DIP2C: variants seen among roughly 807,000 people sequenced by gnomAD.
DIP2C encodes the protein disco-interacting protein 2 homolog C.
In DIP2C, 33 loss-of-function variants were observed where a neutral mutation model predicts 192.4. That is an observed-to-expected ratio of 0.17 (90% CI 0.13 to 0.23). The LOEUF (loss-of-function observed/expected upper bound fraction) is 0.23, where lower values mean the gene tolerates loss of function less well. Among genes scored for constraint, DIP2C ranks in the 10% least tolerant of loss-of-function variants. The pLI, the probability that DIP2C is intolerant of heterozygous loss-of-function variation, is 1.00. For synonymous variants in DIP2C, 979 were observed against 864.1 expected, an observed-to-expected ratio of 1.13 and a Z score of -2.33; for missense variants, 1,537 against 2,110.1, an observed-to-expected ratio of 0.73 and a Z score of 5.32.
rs553307256 is a variant in DIP2C, at chr10:299,328, C to G, written c.3986+10703G>C. On this transcript the variant is annotated intron_variant, in intron 32 of 36. Coordinates refer to ENST00000280886, the MANE Select transcript of DIP2C (RefSeq NM_014974.3). ...ATTCTTCCCATTACTCCAGTAATGT[C>G]CCTACAGCTCCGCCTTGAGTGCAGG... 1.1e-3 allele frequency among the ~76,000 whole-genome samples: 162 copies of G among 152,340 alleles called. 1 individual carries two copies. Among genetic ancestry groups the G allele is most frequent in the Non-Finnish European group, 1.5e-3 (105 of 68,042 alleles).
rs1291659615 is a variant in DIP2C, at chr10:651,618, C to T, written c.85+37876G>A. The T allele has an allele frequency of 2.8e-6, 1 of 359,310 alleles. No homozygotes were observed. Among genetic ancestry groups the T allele is most frequent in the East Asian group, 7.3e-5 (1 of 13,748 alleles). 22.3% of individuals were successfully genotyped at this position (359,310 alleles called of 1,614,324 possible). On this transcript the variant is annotated intron_variant, in intron 1 of 36. Coordinates refer to ENST00000280886, the MANE Select transcript of DIP2C (RefSeq NM_014974.3). This position sits in a 1 kb window ranked among gnomAD's most constrained non-coding sequence, Gnocchi z 4.1. ...GTGCATCTTTTATAAAACAAGAACG[C>T]AAGGCTCTGAGGCCAACTTTGAACA...
intron 2 of DIP2C, among the ~76,000 whole-genome samples, chr10:481,714 C>T (rs768766496): frequency 2.6e-4 from 40 of 152,230 alleles, no homozygotes; most frequent in Non-Finnish European, 5.3e-4. Flanking sequence ...TTCAGGGCTT[C>T]ACGTGGATCT....
chr10:477,718 G>A (rs1461000916), intron 2 of DIP2C, among the ~76,000 whole-genome samples: 4 of 138,426 alleles, frequency 2.9e-5, no homozygotes, highest in Admixed American at 7.4e-5. Context: ...AAAGGAGAGA[G>A]AAGAAAGAGA....
chr10:343,080 G>GA lies in DIP2C; in HGVS notation c.3453+1728dup, dbSNP rs375321045. ...CGAGGCGGGCAGATCACAAGGTCAGGAGATCGAGAACATCCTGGCTAACAC... is the reference window on the plus strand; with the variant it reads ...CGAGGCGGGCAGATCACAAGGTCAGGAAGATCGAGAACATCCTGGCTAACAC... On this transcript the variant is annotated intron_variant, in intron 28 of 36. Coordinates refer to ENST00000280886, the MANE Select transcript of DIP2C (RefSeq NM_014974.3). Among the ~76,000 whole-genome samples the GA allele has an allele frequency of 2.4e-3, 371 of 152,312 alleles. 2 individuals are homozygous for GA. Among genetic ancestry groups the GA allele is most frequent in the African/African-American group, 7.5e-3 (312 of 41,566 alleles).
chr10:461,235 C>T (rs985507232), intron 3 of DIP2C, among the ~76,000 whole-genome samples: 4 of 152,062 alleles, frequency 2.6e-5, no homozygotes, highest in South Asian at 2.1e-4. Context: ...TAAATGCCCC[C>T]ATTAAAAGAC....
At chr10:515,300 T>C (rs929363979) in intron 1 of DIP2C, among the ~76,000 whole-genome samples, 6 of 152,224 alleles carry the variant, frequency 3.9e-5, no homozygotes, top group African/African-American at 1.4e-4. Flanking sequence ...TTGAGGTAGA[T>C]TGTGGCCTAT....
In DIP2C at chr10:326,891, T is replaced by A. The variant is rs1243327959; in HGVS notation, c.3924+115A>T. ...CAACCGCATGCGTGTGACTGAAAGA[T>A]CTCTTCTGGATGTAGCTAAGCATCA... On this transcript the variant is annotated intron_variant, in intron 31 of 36. Coordinates refer to ENST00000280886, the MANE Select transcript of DIP2C (RefSeq NM_014974.3). The A allele has an allele frequency of 3.1e-6, 4 of 1,284,894 alleles. No homozygotes were observed. The African/African-American group carries it at 4.5e-5, about 14-fold the overall frequency. 79.6% of individuals were successfully genotyped at this position (1,284,894 alleles called of 1,614,324 possible).
At chr10:431,072 T>C (rs1400711318) in intron 4 of DIP2C, among the ~76,000 whole-genome samples, 2 of 152,248 alleles carry the variant, frequency 1.3e-5, no homozygotes, top group African/African-American at 4.8e-5. Flanking sequence ...ATCCTTTTGT[T>C]TGTTCTTTCA....
intron 31 of DIP2C, among the ~76,000 whole-genome samples, chr10:325,518 C>T (rs1240491130): frequency 6.6e-6 from 1 of 152,168 alleles, no homozygotes; most frequent in Admixed American, 6.5e-5. Flanking sequence ...TCACAAATCA[C>T]TGATTTCCTC....
At chr10:378,706 GAT>G (rs1282980356) in intron 17 of DIP2C, among the ~76,000 whole-genome samples, 3 of 151,284 alleles carry the variant, frequency 2.0e-5, no homozygotes, top group Admixed American at 6.6e-5. Flanking sequence ...CACATGAACA[GAT>G]ATGCACAGAC....
At position 409,415 on chromosome 10, in the gene DIP2C, TAGC is replaced by T. The variant is rs1354051505; in HGVS notation, c.1058-401_1058-399del. Among the ~76,000 whole-genome samples, 4 of 152,152 alleles carry T rather than the reference TAGC, an allele frequency of 2.6e-5. No individual in the cohort carries two copies. In the East Asian group the frequency reaches 7.7e-4, roughly 29 times the overall value. ...CGGGAGGGCCCTGAGAACCTTCTCC[TAGC>T]AGATCAAAGCTTCAAACTCATCCTG... On this transcript the variant is annotated intron_variant, in intron 8 of 36. Coordinates refer to ENST00000280886, the MANE Select transcript of DIP2C (RefSeq NM_014974.3).
At chr10:533,759 T>C (rs1847546265) in intron 1 of DIP2C, among the ~76,000 whole-genome samples, 1 of 151,736 alleles carries the variant, frequency 6.6e-6, no homozygotes, top group Non-Finnish European at 1.5e-5. Flanking sequence ...GATAAATGCG[T>C]ATCTGCTTAG....
At chr10:445,018 G>A (rs2133288516) in intron 3 of DIP2C, among the ~76,000 whole-genome samples, 1 of 152,338 alleles carries the variant, frequency 6.6e-6, no homozygotes, top group African/African-American at 2.4e-5. Flanking sequence ...AAGTGGCCGT[G>A]CCGTTTTAAG....
intron 2 of DIP2C, among the ~76,000 whole-genome samples, chr10:473,760 G>A (rs375901526): frequency 6.6e-6 from 1 of 152,266 alleles, no homozygotes; most frequent in African/African-American, 2.4e-5. Flanking sequence ...ATATCTGATT[G>A]AAAGTAAACC....
At chr10:587,029 C>T (rs1241094924) in intron 1 of DIP2C, among the ~76,000 whole-genome samples, 40 of 141,308 alleles carry the variant, frequency 2.8e-4, no homozygotes, top group Non-Finnish European at 6.3e-5. Context: ...TAAGGCCGGA[C>T]CACCTGGGTC....
At chr10:620,952 T>C (rs1295204201) in intron 1 of DIP2C, among the ~76,000 whole-genome samples, 1 of 152,214 alleles carries the variant, frequency 6.6e-6, no homozygotes, top group Non-Finnish European at 1.5e-5. Context: ...GGAAGATTAT[T>C]CCAGTTGTTT....
chr10:501,745 C>G (rs1332021254), intron 1 of DIP2C, among the ~76,000 whole-genome samples: 1 of 152,140 alleles, frequency 6.6e-6, no homozygotes, highest in Non-Finnish European at 1.5e-5. Context: ...ACCGCAATAT[C>G]CATTCATTCA....
intron 29 of DIP2C, 91 bp downstream of exon 29, chr10:341,108 G>T (rs976655237): frequency 1.9e-5 from 30 of 1,565,440 alleles, no homozygotes; most frequent in Middle Eastern, 3.6e-4. Context: ...GGGGGTGTGG[G>T]GGCAGTGCTT....
intron 1 of DIP2C, among the ~76,000 whole-genome samples, chr10:505,033 T>C (rs1564797960): frequency 6.6e-6 from 1 of 152,174 alleles, no homozygotes; most frequent in Non-Finnish European, 1.5e-5. Context: ...ATCCCCACCC[T>C]GCCCTCCAAG....
Sources: gnomAD v4.1 joint callset for allele counts (sites outside exome capture counted in the v4.1 genomes callset) on GRCh38, gnomAD v4.1.1 for gene constraint, Gnocchi (gnomAD v3.1) non-coding constraint, MANE v1.5 for transcripts, NCBI Gene and HGNC (gene_info 2026-07-23, HGNC 2026-07-21) for gene names.